The following CNTN3 variants were observed in gnomAD, a reference collection of about 807,000 sequenced individuals.
CNTN3 encodes contactin-3.
In CNTN3, 60 loss-of-function variants were observed where a neutral mutation model predicts 119.1. The ratio of observed to expected loss-of-function variants is 0.50; its 90% CI spans 0.41 to 0.62. The LOEUF is 0.62. Ranked by LOEUF, CNTN3 falls within the 20% of genes least tolerant of loss-of-function variation. CNTN3 has a pLI of 0.00. For missense variants in CNTN3, 1,101 were observed against 1,242.4 expected (o/e 0.89, Z 1.71); for synonymous variants, 450 against 438.7 (o/e 1.03, Z -0.32).
chr3:74,402,493 T>G (rs1203207281), intron 5 of CNTN3, among the ~76,000 whole-genome samples: 1 of 152,168 alleles, frequency 6.6e-6, no homozygotes, highest in Non-Finnish European at 1.5e-5. Flanking sequence ...AGAAACCTCC[T>G]GTAACACATG....
intron 11 of CNTN3, among the ~76,000 whole-genome samples, chr3:74,351,641 A>ATT (rs1703818565): frequency 6.6e-6 from 1 of 152,234 alleles, no homozygotes; most frequent in Non-Finnish European, 1.5e-5. Flanking sequence ...CATGCCAGTT[A>ATT]GGCATTAATA....
intron 5 of CNTN3, among the ~76,000 whole-genome samples, chr3:74,416,988 A>G (rs13090164): frequency 7.7e-4 from 112 of 145,028 alleles, no homozygotes; most frequent in South Asian, 6.5e-3. Flanking sequence ...ATTCTAAAAT[A>G]AAAAAAAAAA....
At chr3:74,542,922 C>A (rs1703861798) in intron 1 of CNTN3, among the ~76,000 whole-genome samples, 1 of 151,996 alleles carries the variant, frequency 6.6e-6, no homozygotes, top group East Asian at 1.9e-4. Flanking sequence ...AGTTCCAGAC[C>A]AGCACGGTCA....
intron 5 of CNTN3, among the ~76,000 whole-genome samples, chr3:74,422,348 AC>A (rs1322809254): frequency 7.2e-5 from 11 of 152,194 alleles, no homozygotes; most frequent in African/African-American, 2.4e-4. Flanking sequence ...TTCATGTCTG[AC>A]ATCTGGGAAG....
intron 1 of CNTN3, among the ~76,000 whole-genome samples, chr3:74,555,291 G>T (rs1162262161): frequency 6.6e-6 from 1 of 152,120 alleles, no homozygotes; most frequent in South Asian, 2.1e-4. Context: ...TAACCTTTTT[G>T]ATGTGCTGCT....
At chr3:74,580,988 C>T (rs1046953430) in intron 1 of CNTN3, among the ~76,000 whole-genome samples, 1 of 152,166 alleles carries the variant, frequency 6.6e-6, no homozygotes, top group Non-Finnish European at 1.5e-5. Flanking sequence ...CAAAGTGCTG[C>T]TGGGATTACA....
intron 1 of CNTN3, among the ~76,000 whole-genome samples, chr3:74,572,506 TAAAAG>T (rs1320878223): frequency 6.6e-6 from 1 of 151,904 alleles, no homozygotes; most frequent in Non-Finnish European, 1.5e-5. Flanking sequence ...AATATAATGT[TAAAAG>T]AAAAAAGGAA....
intron 7 of CNTN3, 117 bp downstream of exon 7, chr3:74,369,772 G>C (rs1704291362): frequency 1.7e-6 from 1 of 591,020 alleles, no homozygotes; most frequent in Non-Finnish European, 2.9e-6. Context: ...TTTTTCCTTT[G>C]CCTCAAAATG....
At chr3:74,412,790 C>G (rs1002809216) in intron 5 of CNTN3, among the ~76,000 whole-genome samples, 1 of 152,146 alleles carries the variant, frequency 6.6e-6, no homozygotes, top group African/African-American at 2.4e-5. Flanking sequence ...AGCTGAGTAG[C>G]CCATGAACCC....
intron 13 of CNTN3, among the ~76,000 whole-genome samples, chr3:74,319,574 C>A (rs1101696): frequency 0.074 from 11,180 of 152,020 alleles, 470 homozygotes; most frequent in East Asian, 0.14. Context: ...TAGAAGAGAA[C>A]CTAGGCAATA....
chr3:74,279,148 T>C (rs1400837831), intron 20 of CNTN3, among the ~76,000 whole-genome samples: 3 of 152,058 alleles, frequency 2.0e-5, no homozygotes, highest in Admixed American at 2.0e-4. Context: ...GGAACACTTC[T>C]ACACTGCTGG....
chr3:74,547,357 G>A (rs907474830), intron 1 of CNTN3, among the ~76,000 whole-genome samples: 2 of 152,004 alleles, frequency 1.3e-5, no homozygotes, highest in African/African-American at 4.8e-5. Flanking sequence ...CCAATGTTTC[G>A]ATAGCCGTCA....
At chr3:74,368,388 G>T (rs1253701942) in intron 8 of CNTN3, among the ~76,000 whole-genome samples, 2 of 151,954 alleles carry the variant, frequency 1.3e-5, no homozygotes, top group Non-Finnish European at 2.9e-5. Flanking sequence ...TGACAAGAGT[G>T]GTCAATTCCC....
At chr3:74,432,791 G>T (rs575895232) in intron 4 of CNTN3, among the ~76,000 whole-genome samples, 3 of 152,254 alleles carry the variant, frequency 2.0e-5, no homozygotes, top group Admixed American at 1.3e-4. Flanking sequence ...CAAATTCAAA[G>T]TGTCTCCTCC....
chr3:74,418,006 T>C (rs150323873), intron 5 of CNTN3, among the ~76,000 whole-genome samples: 259 of 152,316 alleles, frequency 1.7e-3, no homozygotes, highest in African/African-American at 5.4e-3. Context: ...CAATTTCTCA[T>C]TAGCCTATCA....
intron 1 of CNTN3, among the ~76,000 whole-genome samples, chr3:74,595,053 A>G (rs1167204085): frequency 1.3e-5 from 2 of 151,936 alleles, no homozygotes; most frequent in African/African-American, 2.4e-5. Flanking sequence ...GCCAGTGATG[A>G]TGAGCATTTT....
intron 13 of CNTN3, among the ~76,000 whole-genome samples, chr3:74,306,335 A>G (rs1438169816): frequency 6.6e-6 from 1 of 152,128 alleles, no homozygotes; most frequent in Non-Finnish European, 1.5e-5. Flanking sequence ...AATAAGAAAC[A>G]TATTTGCCAT....
intron 5 of CNTN3, among the ~76,000 whole-genome samples, chr3:74,423,141 T>C (rs143286023): frequency 1.3e-5 from 2 of 152,328 alleles, no homozygotes; most frequent in East Asian, 3.9e-4. Context: ...TTTATGGAAT[T>C]GATTCAATCC....
In CNTN3 at chr3:74,348,808, A is replaced by G. The variant is rs541957682; in HGVS notation, c.1365-12150T>C. Among the ~76,000 whole-genome samples the G allele has an allele frequency of 5.3e-5, 8 of 152,314 alleles. No individual in the cohort carries two copies. The South Asian group carries it at 1.0e-3, about 20-fold the overall frequency. The stretch of plus-strand genomic sequence containing the variant: ...CCATTACATTGTTTTAGCAGGGCAC[A>G]TGGTGGCTCATGCCTGTAATCCTAG... On this transcript the variant is annotated intron_variant, in intron 11 of 22. Coordinates refer to ENST00000263665, the MANE Select transcript of CNTN3 (RefSeq NM_020872.3).
Sources: gnomAD v4.1 joint callset for allele counts (sites outside exome capture counted in the v4.1 genomes callset) on GRCh38, gnomAD v4.1.1 for gene constraint, MANE v1.5 for transcripts, NCBI Gene and HGNC (gene_info 2026-07-23, HGNC 2026-07-21) for gene names.